Variants in ZBTB16 observed in about 807,000 individuals in gnomAD.
ZBTB16 encodes zinc finger and BTB domain containing 16, also known as zinc finger and BTB domain-containing protein 16.
Under a neutral mutation model 56.8 loss-of-function variants are expected in ZBTB16, and 8 were observed. The ratio of observed to expected loss-of-function variants is 0.14; its 90% CI spans 0.08 to 0.25. The LOEUF (loss-of-function observed/expected upper bound fraction) is 0.25. Among genes scored for constraint, ZBTB16 ranks in the 10% least tolerant of loss-of-function variants. The pLI, the probability that ZBTB16 is intolerant of heterozygous loss-of-function variation, is 1.00. For missense variants in ZBTB16, 625 were observed against 903.0 expected (o/e 0.69, Z 3.95); for synonymous variants, 363 against 368.5 (o/e 0.98, Z 0.17).
chr11:114,118,781 A>G (rs1028306109), intron 2 of ZBTB16, among the ~76,000 whole-genome samples: 2 of 152,150 alleles, frequency 1.3e-5, no homozygotes, highest in Non-Finnish European at 2.9e-5. Flanking sequence ...GGGGTTATGA[A>G]GAGACAAATG....
At chr11:114,146,764 G>A (rs544349495) in intron 2 of ZBTB16, among the ~76,000 whole-genome samples, 12 of 150,668 alleles carry the variant, frequency 8.0e-5, no homozygotes, top group African/African-American at 1.7e-4. Flanking sequence ...CACGAGAATC[G>A]CCTGAACCTG....
chr11:114,193,877 A>G (rs1943552194), intron 4 of ZBTB16, among the ~76,000 whole-genome samples: 1 of 152,214 alleles, frequency 6.6e-6, no homozygotes, highest in South Asian at 2.1e-4. Context: ...GATTACACCC[A>G]TTTAACAGAT....
rs1938778467 is a variant in ZBTB16 at position 114,060,415 on chromosome 11, C to T, written c.-91+533C>T. ...GACTGGGACTGCTTACGTTTTGTTT[C>T]TCTTTGAGAAAACGTGGTGGGCTTT... On this transcript the variant is annotated intron_variant, in intron 1 of 6. Transcript: ENST00000335953. The surrounding 1 kb of genome is among the most constrained non-coding windows in gnomAD (Gnocchi z 6.0). 1 of 152,270 alleles carries T rather than the reference C, an allele frequency of 6.6e-6. No homozygotes were observed. Among genetic ancestry groups the T allele is most frequent in the Admixed American group, 6.5e-5 (1 of 15,286 alleles). 9.4% of individuals were successfully genotyped at this position (152,270 alleles called of 1,614,324 possible).
At chr11:114,120,999 G>A (rs1941326746) in intron 2 of ZBTB16, among the ~76,000 whole-genome samples, 1 of 152,102 alleles carries the variant, frequency 6.6e-6, no homozygotes. Context: ...TTAAATGGTT[G>A]GAAAAAAGAC....
In ZBTB16 at chr11:114,233,037, G is replaced by T. The variant is rs674864; in HGVS notation, c.1454-9130G>T. On this transcript the variant is annotated intron_variant, in intron 4 of 6. Transcript: ENST00000335953. ...TTACTTTCCACCCCAACTCATCCCC[G>T]GCCCCACCCACTCTACTGCACATAC... 1.0e-4 allele frequency among the ~76,000 whole-genome samples: 13 copies of T among 130,444 alleles called. 1 individual carries two copies. The highest frequency in any genetic ancestry group is 5.0e-4 in the East Asian group (2 of 4,032). 85.6% of individuals were successfully genotyped at this position (130,444 alleles called of 152,430 possible). A position where few individuals can be genotyped will look rare whatever the true frequency, so the allele number is the denominator to read the frequency against.
intron 4 of ZBTB16, among the ~76,000 whole-genome samples, chr11:114,194,401 T>C (rs1291598272): frequency 6.6e-6 from 1 of 152,164 alleles, no homozygotes; most frequent in East Asian, 1.9e-4. Context: ...GTGTGACCCC[T>C]CCTTGCCCCC....
chr11:114,241,084 A>G (rs976354581), intron 4 of ZBTB16, among the ~76,000 whole-genome samples: 2 of 152,180 alleles, frequency 1.3e-5, no homozygotes, highest in East Asian at 3.9e-4. Context: ...TGTTCTGGGT[A>G]ACGTCGGTCA....
chr11:114,207,486 A>T (rs767760154), intron 4 of ZBTB16, among the ~76,000 whole-genome samples: 5 of 151,912 alleles, frequency 3.3e-5, no homozygotes, highest in Non-Finnish European at 5.9e-5. Flanking sequence ...GTGTACACTG[A>T]GCCACTTAGA....
intron 2 of ZBTB16, among the ~76,000 whole-genome samples, chr11:114,109,843 G>A (rs966616107): frequency 1.3e-4 from 20 of 152,156 alleles, no homozygotes; most frequent in Admixed American, 3.9e-4. Flanking sequence ...AGACAGTGTG[G>A]TATGTTGAGG....
chr11:114,161,600 G>A (rs77917745), intron 3 of ZBTB16, among the ~76,000 whole-genome samples: 3 of 152,258 alleles, frequency 2.0e-5, no homozygotes, highest in Non-Finnish European at 2.9e-5. Flanking sequence ...AGGGGAAGCC[G>A]AAGCCACCTA....
intron 2 of ZBTB16, among the ~76,000 whole-genome samples, chr11:114,072,709 C>T (rs1939393584): frequency 6.6e-6 from 1 of 152,296 alleles, no homozygotes; most frequent in South Asian, 2.1e-4. Context: ...GTTTCACATT[C>T]TCAGATGGGC....
intron 2 of ZBTB16, among the ~76,000 whole-genome samples, chr11:114,149,265 A>G (rs1043118818): frequency 1.3e-5 from 2 of 152,180 alleles, no homozygotes; most frequent in East Asian, 3.9e-4. Flanking sequence ...GGTCCCCTGC[A>G]CTCAGCCCGA....
rs1343239411 is a variant in ZBTB16 at position 114,064,164 on chromosome 11, C to T, written c.864C>T (p.Val288=). 2 of 1,613,914 alleles carry T rather than the reference C, an allele frequency of 1.2e-6. No homozygotes were observed. The highest frequency in any genetic ancestry group is 1.7e-6 in the Non-Finnish European group (2 of 1,180,022). Residue 288 remains valine (V), a synonymous_variant, in exon 2 of 7, where the codon GTC becomes GTT. Coordinates refer to ENST00000335953, the MANE Select transcript of ZBTB16 (RefSeq NM_006006.6). This position sits in a 1 kb window ranked among gnomAD's most constrained non-coding sequence, Gnocchi z 4.2. ...CTGGGACCCCGACTCGAAGCAGCGT[C>T]ATCACCAGTGCTAGGGAGCTACACT... The part of the protein sequence containing the change: ...EGPGTPTRSS[V]ITSARELHYG...
At chr11:114,138,844 C>T (rs1022771655) in intron 2 of ZBTB16, among the ~76,000 whole-genome samples, 2 of 152,048 alleles carry the variant, frequency 1.3e-5, no homozygotes, top group African/African-American at 4.8e-5. Flanking sequence ...GCATGCACCA[C>T]CATGCCCAGC....
Position 114,131,673 on chromosome 11 carries a change from C to A in ZBTB16, c.1269-24664C>A, listed in dbSNP as rs532579435. 9.2e-5 allele frequency among the ~76,000 whole-genome samples: 14 copies of A among 152,262 alleles called. No individual in the cohort carries two copies. The South Asian group carries it at 1.2e-3, about 14-fold the overall frequency. On this transcript the variant is annotated intron_variant, in intron 2 of 6. Transcript: ENST00000335953. ...CGAGAGGGGGGACATAGCTCCCCCC[C>A]TTTTTTTCATTGCAGTTCAAACTAA...
chr11:114,172,535 C>T (rs1942997288), intron 3 of ZBTB16, among the ~76,000 whole-genome samples: 1 of 152,190 alleles, frequency 6.6e-6, no homozygotes, highest in South Asian at 2.1e-4. Flanking sequence ...CCAGGGCTGC[C>T]TGACCCTGAA....
intron 3 of ZBTB16, among the ~76,000 whole-genome samples, chr11:114,174,004 G>T (rs539338336): frequency 1.3e-4 from 20 of 152,272 alleles, no homozygotes; most frequent in African/African-American, 4.8e-4. Flanking sequence ...TCGTTTGTAC[G>T]TTTTCCTTCC....
intron 2 of ZBTB16, among the ~76,000 whole-genome samples, chr11:114,076,373 C>T (rs933398267): frequency 3.9e-5 from 6 of 152,146 alleles, no homozygotes; most frequent in Admixed American, 3.3e-4. Flanking sequence ...TTTCTGGGCA[C>T]GCACGCTCAC....
chr11:114,202,826 A>AC (rs1943765962), intron 4 of ZBTB16, among the ~76,000 whole-genome samples: 1 of 152,196 alleles, frequency 6.6e-6, no homozygotes, highest in Non-Finnish European at 1.5e-5. Flanking sequence ...ACAGGCAGGT[A>AC]TCACTTATTT....
Sources: gnomAD v4.1 joint callset for allele counts (sites outside exome capture counted in the v4.1 genomes callset) on GRCh38, gnomAD v4.1.1 for gene constraint, Gnocchi (gnomAD v3.1) non-coding constraint, MANE v1.5 for transcripts, NCBI Gene and HGNC (gene_info 2026-07-23, HGNC 2026-07-21) for gene names.